Variants in TGIF1 observed in about 807,000 individuals in gnomAD.
TGIF1 encodes the protein homeobox protein TGIF1.
Under a neutral mutation model 19.3 loss-of-function variants are expected in TGIF1, and 4 were observed. The observed-to-expected ratio is 0.21, with a 90% CI of 0.10 to 0.47. TGIF1 has a LOEUF of 0.47. Ranked by LOEUF, TGIF1 falls within the 20% of genes least tolerant of loss-of-function variation. The probability of loss-of-function intolerance (pLI) is 0.98; values close to 1 mark genes in which losing one functional copy is unlikely to be tolerated. For synonymous variants in TGIF1, 122 were observed against 129.3 expected, an observed-to-expected ratio of 0.94 and a Z score of 0.38; for missense variants, 275 against 341.4, an observed-to-expected ratio of 0.81 and a Z score of 1.53.
chr18:3,456,631 A>G lies in TGIF1; in HGVS notation c.243+51A>G. ...TGGATGCATTTTTAGTTTCAAAGTC[A>G]TTTTATGGCATTCCTGTGTGTCAAG... On this transcript the variant is annotated intron_variant, in intron 2 of 2. Coordinates refer to ENST00000343820, the MANE Select transcript of TGIF1 (RefSeq NM_003244.4). This position sits in a 1 kb window ranked among gnomAD's most constrained non-coding sequence, Gnocchi z 4.2. The G allele has an allele frequency of 6.6e-7, 1 of 1,504,322 alleles. No homozygotes were observed. The highest frequency in any genetic ancestry group is 9.2e-7 in the Non-Finnish European group (1 of 1,083,572). 93.2% of individuals were successfully genotyped at this position (1,504,322 alleles called of 1,614,324 possible). A position where few individuals can be genotyped will look rare whatever the true frequency, so the allele number is the denominator to read the frequency against.
chr18:3,451,450 G>T lies in TGIF1; in HGVS notation c.16+945G>T. The T allele has an allele frequency of 2.0e-6, 2 of 987,174 alleles. No individual in the cohort carries two copies. Among genetic ancestry groups the T allele is most frequent in the Non-Finnish European group, 2.4e-6 (2 of 831,212 alleles). The allele number at this position is 987,174 out of a possible 1,614,324, so 61.2% of individuals were successfully genotyped here. A position where few individuals can be genotyped will look rare whatever the true frequency, so the allele number is the denominator to read the frequency against. On this transcript the variant is annotated intron_variant, in intron 1 of 2. Transcript: ENST00000343820. This position sits in a 1 kb window ranked among gnomAD's most constrained non-coding sequence, Gnocchi z 5.4. ...TGAGTCCCTGGCTGGGAGGTCCCCC[G>T]AGTGTTCCGCTGTGGGCTGGAGGTG...
chr18:3,427,092 C>T (rs34889295), intron 2 of TGIF1, among the ~76,000 whole-genome samples: 14,620 of 151,678 alleles, frequency 0.096, 910 homozygotes, highest in Non-Finnish European at 0.13. Context: ...TACAGGCTTG[C>T]GCCACCATGC....
intron 2 of TGIF1, among the ~76,000 whole-genome samples, chr18:3,440,885 T>C (rs2082671579): frequency 6.6e-6 from 1 of 152,216 alleles, no homozygotes; most frequent in Non-Finnish European, 1.5e-5. Flanking sequence ...TCTACACTTA[T>C]CCTTCCAGAA....
At chr18:3,439,596 G>A (rs2082657923) in intron 2 of TGIF1, among the ~76,000 whole-genome samples, 1 of 152,072 alleles carries the variant, frequency 6.6e-6, no homozygotes, top group Admixed American at 6.5e-5. Context: ...GCCCGCCTCA[G>A]CCTCCCAAAG....
rs551392445 is a variant in TGIF1 at position 3,417,085 on chromosome 18, A to G, written c.-117-1058A>G. ...TTATAAAGATGTTTATTTAAATACT[A>G]TTTATAGTGGTTAAAATTTTGTAGC... On this transcript the variant is annotated intron_variant, in intron 1 of 3. Transcript: ENST00000401449. Among the ~76,000 whole-genome samples the G allele has an allele frequency of 2.0e-5, 3 of 152,318 alleles. No homozygotes were observed. In the South Asian group the frequency reaches 6.2e-4, roughly 32 times the overall value.
Position 3,456,524 on chromosome 18 carries a change from C to G in TGIF1, c.187C>G (p.Pro63Ala). 2 of 1,614,228 alleles carry G rather than the reference C, an allele frequency of 1.2e-6. No individual in the cohort carries two copies. The highest frequency in any genetic ancestry group is 1.7e-6 in the Non-Finnish European group (2 of 1,180,034). The stretch of plus-strand genomic sequence containing the variant: ...GTATGAGCACCGTTACAATGCCTAT[C>G]CTTCAGAGCAAGAAAAAGCGTTGCT... ...WLYEHRYNAY[P>A]SEQEKALLSQ... Residue 63 changes from proline to alanine, a missense_variant, in exon 2 of 3, where the codon CCT becomes GCT. Physicochemically the swap from Pro to Ala is conservative, Grantham distance 27 (BLOSUM62 -1). Transcript: ENST00000343820. This position sits in a 1 kb window ranked among gnomAD's most constrained non-coding sequence, Gnocchi z 4.2.
chr18:3,425,218 C>A (rs1010886146), intron 2 of TGIF1, among the ~76,000 whole-genome samples: 1 of 152,252 alleles, frequency 6.6e-6, no homozygotes, highest in Non-Finnish European at 1.5e-5. Context: ...AGAAATGTGA[C>A]ATGGCTAACT....
At chr18:3,438,350 T>G (rs7230159) in intron 2 of TGIF1, among the ~76,000 whole-genome samples, 1 of 151,896 alleles carries the variant, frequency 6.6e-6, no homozygotes, top group African/African-American at 2.4e-5. Context: ...GCAAGAGTTA[T>G]GAGAGATGGG....
chr18:3,455,077 C>G (rs1340240501), intron 1 of TGIF1: 1 of 151,942 alleles, frequency 6.6e-6, no homozygotes. Context: ...GCATACAAAG[C>G]TAAAAATGCT....
In TGIF1 at chr18:3,458,861, A is replaced by T. The variant is rs2049444622; in HGVS notation, c.*921A>T. Reference sequence around the variant, plus strand: ...TGGTACATTTAGTTAAGGCATTTGTATTCAAATGTAGCATAGTATTTGCAG... The same window carrying T: ...TGGTACATTTAGTTAAGGCATTTGTTTTCAAATGTAGCATAGTATTTGCAG... On this transcript the variant is annotated 3_prime_UTR_variant, in exon 3 of 3. Transcript: ENST00000343820. 1 of 152,250 alleles carries T rather than the reference A, an allele frequency of 6.6e-6. No individual in the cohort carries two copies. Among genetic ancestry groups the T allele is most frequent in the South Asian group, 2.1e-4 (1 of 4,836 alleles). The allele number at this position is 152,250 out of a possible 1,614,324, so 9.4% of individuals were successfully genotyped here.
intron 1 of TGIF1, among the ~76,000 whole-genome samples, chr18:3,450,932 C>G (rs569951715): frequency 6.6e-6 from 1 of 152,166 alleles, no homozygotes; most frequent in East Asian, 1.9e-4. Flanking sequence ...GCGGGACCGC[C>G]GCGGCTTTGT....
In TGIF1 at chr18:3,451,483, T is replaced by C. The variant is rs935812977; in HGVS notation, c.16+978T>C. The stretch of plus-strand genomic sequence containing the variant: ...CGCTGTGGGCTGGAGGTGGCGTTTC[T>C]GTCGTGATTTATGTGGAGTGGTTCA... On this transcript the variant is annotated intron_variant, in intron 1 of 2. Coordinates refer to ENST00000343820, the MANE Select transcript of TGIF1 (RefSeq NM_003244.4). The surrounding 1 kb of genome is among the most constrained non-coding windows in gnomAD (Gnocchi z 5.4). 3.0e-6 allele frequency: 3 copies of C among 988,228 alleles called. No individual in the cohort carries two copies. Among genetic ancestry groups the C allele is most frequent in the Non-Finnish European group, 3.6e-6 (3 of 832,068 alleles). 61.2% of individuals were successfully genotyped at this position (988,228 alleles called of 1,614,324 possible).
intron 1 of TGIF1, among the ~76,000 whole-genome samples, chr18:3,416,889 C>A (rs4797114): frequency 0.6 from 91,663 of 151,656 alleles, 29,866 homozygotes; most frequent in Admixed American, 0.72. Flanking sequence ...CAAGATCATC[C>A]CATTGCACTC....
chr18:3,422,670 G>GT (rs71159070), intron 2 of TGIF1, among the ~76,000 whole-genome samples: 120,282 of 120,742 alleles, frequency 1, 59,911 homozygotes, highest in Middle Eastern at 1. Context: ...CTATATAGGT[G>GT]GCCTTTTTTT....
intron 2 of TGIF1, among the ~76,000 whole-genome samples, chr18:3,423,374 C>T (rs542934472): frequency 2.0e-4 from 31 of 151,890 alleles, no homozygotes; most frequent in Non-Finnish European, 3.7e-4. Flanking sequence ...AGTGAGACCC[C>T]GTCTCTACAA....
chr18:3,452,487 G>A, intron 1 of TGIF1: 1 of 1,541,824 alleles, frequency 6.5e-7, no homozygotes, highest in Non-Finnish European at 8.8e-7. Context: ...TTTCCCTGGC[G>A]AGTCGTCTGG....
At chr18:3,452,456 G>A in intron 1 of TGIF1, 1 of 1,601,644 alleles carries the variant, frequency 6.2e-7, no homozygotes, top group Non-Finnish European at 8.5e-7. Context: ...GAGGTTACCC[G>A]GGTTTCTTTC....
rs2049340108 is a variant in TGIF1, at chr18:3,456,008, C to G, written c.17-346C>G. 8.1e-6 allele frequency: 3 copies of G among 372,016 alleles called. No individual in the cohort carries two copies. Among genetic ancestry groups the G allele is most frequent in the South Asian group, 2.2e-5 (1 of 44,462 alleles). 23.0% of individuals were successfully genotyped at this position (372,016 alleles called of 1,614,324 possible). A position where few individuals can be genotyped will look rare whatever the true frequency, so the allele number is the denominator to read the frequency against. ...TATTCCAACTGCCACAGCACCCTTC[C>G]TGTTTCAAATGTGGCAGGTTATTCA... On this transcript the variant is annotated intron_variant, in intron 1 of 2. Transcript: ENST00000343820. The surrounding 1 kb of genome is among the most constrained non-coding windows in gnomAD (Gnocchi z 4.2).
At chr18:3,454,899 A>G (rs1486877307) in intron 1 of TGIF1, among the ~76,000 whole-genome samples, 1 of 152,198 alleles carries the variant, frequency 6.6e-6, no homozygotes, top group Non-Finnish European at 1.5e-5. Flanking sequence ...CAAAACTAAA[A>G]ATGTGTCACC....
Sources: gnomAD v4.1 joint callset for allele counts (sites outside exome capture counted in the v4.1 genomes callset) on GRCh38, gnomAD v4.1.1 for gene constraint, Gnocchi (gnomAD v3.1) non-coding constraint, MANE v1.5 for transcripts, NCBI Gene and HGNC (gene_info 2026-07-23, HGNC 2026-07-21) for gene names.